SLCO3A1: variants seen among roughly 807,000 people sequenced by gnomAD.
The protein encoded by SLCO3A1 is PGE1 transporter.
SLCO3A1 carries 27 observed loss-of-function variants against 63.1 expected under a neutral mutation model. That is an observed-to-expected ratio of 0.43 (90% CI 0.32 to 0.59). SLCO3A1 has a LOEUF of 0.59. Ranked by LOEUF, SLCO3A1 falls within the 20% of genes least tolerant of loss-of-function variation. SLCO3A1 has a pLI of 0.09. For missense variants in SLCO3A1, 773 were observed against 945.8 expected (o/e 0.82, Z 2.40); for synonymous variants, 473 against 409.9 (o/e 1.15, Z -1.86).
Position 92,061,300 on chromosome 15 carries a change from T to C in SLCO3A1, c.647-33581T>C, listed in dbSNP as rs12899055. On this transcript the variant is annotated intron_variant, in intron 2 of 9. Coordinates refer to ENST00000318445, the MANE Select transcript of SLCO3A1 (RefSeq NM_013272.4). ...GCTCAGCCCTAATAATATTTCAGGATCACAAATATCAGACTGAGAGTGGAC... is the reference window on the plus strand; with the variant it reads ...GCTCAGCCCTAATAATATTTCAGGACCACAAATATCAGACTGAGAGTGGAC... Among the ~76,000 whole-genome samples the C allele has an allele frequency of 0.6, 90,734 of 151,998 alleles. 27,953 individuals carry two copies. The highest frequency in any genetic ancestry group is 0.75 in the Admixed American group (11,419 of 15,276).
chr15:91,937,273 G>C (rs1899446683), intron 2 of SLCO3A1, among the ~76,000 whole-genome samples: 1 of 152,190 alleles, frequency 6.6e-6, no homozygotes, highest in African/African-American at 2.4e-5. Flanking sequence ...GCCTTACCTA[G>C]GGGGCAGGTA....
intron 2 of SLCO3A1, among the ~76,000 whole-genome samples, chr15:91,956,888 C>T (rs1324333926): frequency 8.1e-6 from 1 of 123,078 alleles, no homozygotes; most frequent in African/African-American, 3.2e-5. Flanking sequence ...CTCCTGGGTT[C>T]AAGCGAATCT....
chr15:92,145,547 G>A (rs2048210877), intron 7 of SLCO3A1, among the ~76,000 whole-genome samples: 1 of 152,136 alleles, frequency 6.6e-6, no homozygotes, highest in Non-Finnish European at 1.5e-5. Flanking sequence ...GTAGGGTGGA[G>A]CGACCCTTGA....
At chr15:91,928,562 A>G (rs1170673961) in intron 2 of SLCO3A1, among the ~76,000 whole-genome samples, 1 of 152,200 alleles carries the variant, frequency 6.6e-6, no homozygotes, top group Non-Finnish European at 1.5e-5. Flanking sequence ...AGAATGTCAC[A>G]CTAAGTATGA....
chr15:92,088,003 G>T (rs536525683), intron 2 of SLCO3A1, among the ~76,000 whole-genome samples: 140 of 152,276 alleles, frequency 9.2e-4, no homozygotes, highest in African/African-American at 3.1e-3. Flanking sequence ...ACATCGAGTG[G>T]GAGAGTCCAC....
rs112340210 is a variant in SLCO3A1, at chr15:92,159,628, G to A, written c.1754-3128G>A. Among the ~76,000 whole-genome samples, 148 of 147,890 alleles carry A rather than the reference G, an allele frequency of 1.0e-3. 4 individuals are homozygous for A. In the East Asian group the frequency reaches 0.025, roughly 25 times the overall value. On this transcript the variant is annotated intron_variant, in intron 9 of 9. Coordinates refer to ENST00000318445, the MANE Select transcript of SLCO3A1 (RefSeq NM_013272.4). ...GTCTCCTAGCCTGGAATGCAGTGGCGTGATCATGGCTCACTGCAGCCTGGA... is the reference window on the plus strand; with the variant it reads ...GTCTCCTAGCCTGGAATGCAGTGGCATGATCATGGCTCACTGCAGCCTGGA...
At position 92,137,899 on chromosome 15, in the gene SLCO3A1, G is replaced by A. The variant is rs1278060746; in HGVS notation, c.1513-9085G>A. Among the ~76,000 whole-genome samples, 26 of 118,266 alleles carry A rather than the reference G, an allele frequency of 2.2e-4. 1 individual carries two copies. The South Asian group carries it at 3.4e-3, about 16-fold the overall frequency. The allele number at this position is 118,266 out of a possible 152,430, so 77.6% of individuals were successfully genotyped here. On this transcript the variant is annotated intron_variant, in intron 7 of 9. Transcript: ENST00000318445. ...GCCCTTTGTCAGATGAGTAGGTTGCGAAAATTTTCTCCCATTTTGTAGGTT... is the reference window on the plus strand; with the variant it reads ...GCCCTTTGTCAGATGAGTAGGTTGCAAAAATTTTCTCCCATTTTGTAGGTT...
At chr15:92,078,276 C>G (rs903668332) in intron 2 of SLCO3A1, among the ~76,000 whole-genome samples, 1 of 152,228 alleles carries the variant, frequency 6.6e-6, no homozygotes, top group Non-Finnish European at 1.5e-5. Context: ...CTGGCTAGCA[C>G]AGGGCCTGAC....
At chr15:91,939,677 C>G (rs932905014) in intron 2 of SLCO3A1, among the ~76,000 whole-genome samples, 1 of 152,142 alleles carries the variant, frequency 6.6e-6, no homozygotes, top group African/African-American at 2.4e-5. Context: ...CTTCCCTCCT[C>G]CTCTGCAGCA....
chr15:92,094,834 G>A (rs774235590), intron 2 of SLCO3A1, 47 bp from the exon 3 acceptor site: 9 of 1,261,424 alleles, frequency 7.1e-6, no homozygotes, highest in Non-Finnish European at 1.0e-5. Context: ...TTTGCTCATC[G>A]AATAGCTTCT....
chr15:92,152,848 C>T (rs568835583), intron 9 of SLCO3A1, among the ~76,000 whole-genome samples: 1 of 152,242 alleles, frequency 6.6e-6, no homozygotes, highest in East Asian at 1.9e-4. Context: ...TGGGGCTGGC[C>T]AGGGAAGGTA....
intron 4 of SLCO3A1, among the ~76,000 whole-genome samples, chr15:92,119,003 G>A (rs576440175): frequency 6.6e-6 from 1 of 152,252 alleles, no homozygotes; most frequent in South Asian, 2.1e-4. Flanking sequence ...AGTGTCTTAA[G>A]CCATAACAGC....
At position 91,912,938 on chromosome 15, in the gene SLCO3A1, T is replaced by A. The variant is rs949199051; in HGVS notation, c.181-3055T>A. ...GCTGCCTTCCTTTTTGTTGCCACATTGCATCACCTATTATAAACCTCTGGT... is the reference window on the plus strand; with the variant it reads ...GCTGCCTTCCTTTTTGTTGCCACATAGCATCACCTATTATAAACCTCTGGT... On this transcript the variant is annotated intron_variant, in intron 1 of 9. Coordinates refer to ENST00000318445, the MANE Select transcript of SLCO3A1 (RefSeq NM_013272.4). This position sits in a 1 kb window ranked among gnomAD's most constrained non-coding sequence, Gnocchi z 5.0. 6.6e-6 allele frequency among the ~76,000 whole-genome samples: 1 copy of A among 152,230 alleles called. No homozygotes were observed. Among genetic ancestry groups the A allele is most frequent in the African/African-American group, 2.4e-5 (1 of 41,464 alleles).
intron 2 of SLCO3A1, among the ~76,000 whole-genome samples, chr15:91,927,010 A>AAC (rs1899054159): frequency 6.6e-6 from 1 of 152,118 alleles, no homozygotes; most frequent in Non-Finnish European, 1.5e-5. Context: ...TGGCATTTAG[A>AAC]GACTGGAATG....
At chr15:92,008,828 C>A (rs1417559763) in intron 2 of SLCO3A1, among the ~76,000 whole-genome samples, 1 of 152,070 alleles carries the variant, frequency 6.6e-6, no homozygotes, top group Non-Finnish European at 1.5e-5. Context: ...AAAAGCAAAT[C>A]CTTTCAAAAA....
At position 92,033,940 on chromosome 15, in the gene SLCO3A1, TG is replaced by T; in HGVS notation, c.647-60938del. On this transcript the variant is annotated intron_variant, in intron 2 of 9. Transcript: ENST00000318445. The surrounding 1 kb of genome is among the most constrained non-coding windows in gnomAD (Gnocchi z 4.5). ...GATGAGCTGGGAGCAGGCGCATGGGTGGGACCCAGTGAGGGAGGGGGAGGAG... is the reference window on the plus strand; with the variant it reads ...GATGAGCTGGGAGCAGGCGCATGGGTGGACCCAGTGAGGGAGGGGGAGGAG... Among the ~76,000 whole-genome samples the T allele has an allele frequency of 6.7e-6, 1 of 149,816 alleles. No individual in the cohort carries two copies. The highest frequency in any genetic ancestry group is 1.5e-5 in the Non-Finnish European group (1 of 67,274).
intron 2 of SLCO3A1, among the ~76,000 whole-genome samples, chr15:92,076,228 C>T (rs143610903): frequency 2.0e-5 from 3 of 152,120 alleles, no homozygotes; most frequent in South Asian, 2.1e-4. Context: ...GTAGGGGCCC[C>T]GCTGGAGGTG....
chr15:92,004,835 A>G (rs2046295764), intron 2 of SLCO3A1, among the ~76,000 whole-genome samples: 1 of 152,190 alleles, frequency 6.6e-6, no homozygotes, highest in Non-Finnish European at 1.5e-5. Context: ...TCCTGGATGC[A>G]TCTATGGCCT....
intron 9 of SLCO3A1, among the ~76,000 whole-genome samples, chr15:92,152,314 T>C (rs1033069217): frequency 2.0e-5 from 3 of 152,238 alleles, no homozygotes; most frequent in Non-Finnish European, 4.4e-5. Context: ...TCTCCGTCTA[T>C]AGCAAAAACT....
Sources: gnomAD v4.1 joint callset for allele counts (sites outside exome capture counted in the v4.1 genomes callset) on GRCh38, gnomAD v4.1.1 for gene constraint, Gnocchi (gnomAD v3.1) non-coding constraint, MANE v1.5 for transcripts, NCBI Gene and HGNC (gene_info 2026-07-23, HGNC 2026-07-21) for gene names.